Variants in ABI3BP observed in about 807,000 individuals in gnomAD.
ABI3BP encodes the protein target of Nesh-SH3.
Under a neutral mutation model 268.6 loss-of-function variants are expected in ABI3BP, and 216 were observed. That is an observed-to-expected ratio of 0.80 (90% confidence interval 0.72 to 0.90). ABI3BP has a LOEUF of 0.90. Ranked by LOEUF, ABI3BP falls within the 40% of genes least tolerant of loss-of-function variation. ABI3BP has a pLI of 0.00. For synonymous variants in ABI3BP, 730 were observed against 730.0 expected, an observed-to-expected ratio of 1.00 and a Z score of 0.00; for missense variants, 2,090 against 2,182.4, an observed-to-expected ratio of 0.96 and a Z score of 0.84.
At chr3:100,854,581 T>C (rs2098917772) in intron 14 of ABI3BP, among the ~76,000 whole-genome samples, 1 of 152,204 alleles carries the variant, frequency 6.6e-6, no homozygotes, top group African/African-American at 2.4e-5. Flanking sequence ...CCCTTCTGTA[T>C]GGTAGCCTGT....
intron 21 of ABI3BP, among the ~76,000 whole-genome samples, chr3:100,841,332 A>C (rs947576027): frequency 6.6e-6 from 1 of 150,920 alleles, no homozygotes; most frequent in Non-Finnish European, 1.5e-5. Flanking sequence ...AATCTGCAAA[A>C]GTTAGAGTTT....
In ABI3BP at chr3:100,955,225, C is replaced by T. The variant is rs150194824; in HGVS notation, c.80-28744G>A. Among the ~76,000 whole-genome samples, 983 of 152,170 alleles carry T rather than the reference C, an allele frequency of 6.5e-3. 8 individuals carry two copies. The highest frequency in any genetic ancestry group is 0.022 in the African/African-American group (929 of 41,522). On this transcript the variant is annotated intron_variant, in intron 1 of 67. Coordinates refer to ENST00000471714, the MANE Select transcript of ABI3BP (RefSeq NM_001375547.2). ...ACAGACTGGATCCAAGAAAAGAACA[C>T]GGTCCTGTCCCTGACAGAGATCCAA...
chr3:100,957,451 G>A (rs897496825), intron 1 of ABI3BP, among the ~76,000 whole-genome samples: 2 of 152,144 alleles, frequency 1.3e-5, no homozygotes, highest in African/African-American at 4.8e-5. Flanking sequence ...TATTAAGTAG[G>A]GAGTTGGATA....
At chr3:100,911,489 T>G (rs1429543852) in intron 2 of ABI3BP, 2 of 425,752 alleles carry the variant, frequency 4.7e-6, no homozygotes, top group East Asian at 9.7e-5. Flanking sequence ...TTGTTCATTG[T>G]TTTTCACTTT....
intron 1 of ABI3BP, among the ~76,000 whole-genome samples, chr3:100,989,090 T>C (rs879746954): frequency 6.6e-6 from 1 of 152,190 alleles, no homozygotes; most frequent in Non-Finnish European, 1.5e-5. Flanking sequence ...GTGAATGGGA[T>C]TGGGTGCCCT....
At chr3:100,785,836 G>A (rs528018249) in intron 57 of ABI3BP, among the ~76,000 whole-genome samples, 1 of 152,130 alleles carries the variant, frequency 6.6e-6, no homozygotes, top group Non-Finnish European at 1.5e-5. Flanking sequence ...AATTTCCTGA[G>A]AGCTTTCATT....
chr3:100,928,411 A>T (rs1157936720), intron 1 of ABI3BP, among the ~76,000 whole-genome samples: 1 of 152,104 alleles, frequency 6.6e-6, no homozygotes, highest in Non-Finnish European at 1.5e-5. Context: ...CATCACAATG[A>T]ATTTATTCTA....
chr3:100,816,088 A>G (rs1316878824), intron 43 of ABI3BP, 117 bp from the exon 44 acceptor site: 1 of 745,386 alleles, frequency 1.3e-6, no homozygotes, highest in Non-Finnish European at 2.1e-6. Flanking sequence ...AAACTTTTGA[A>G]TTGATAGGCA....
chr3:100,959,954 G>GT (rs1175227967), intron 1 of ABI3BP, among the ~76,000 whole-genome samples: 2 of 152,188 alleles, frequency 1.3e-5, no homozygotes, highest in Non-Finnish European at 2.9e-5. Context: ...CACAAAGTCA[G>GT]TTTTTTTAAA....
chr3:100,838,537 G>C (rs1183222021), intron 24 of ABI3BP, 73 bp from the exon 25 acceptor site: 1 of 1,199,424 alleles, frequency 8.3e-7, no homozygotes, highest in Admixed American at 2.0e-5. Flanking sequence ...CAATTATGCA[G>C]AACAAAGACA....
chr3:100,769,202 T>G (rs1247588559), intron 62 of ABI3BP, among the ~76,000 whole-genome samples: 1 of 152,224 alleles, frequency 6.6e-6, no homozygotes, highest in African/African-American at 2.4e-5. Context: ...GTCTAATGTT[T>G]AAATACGGAC....
intron 10 of ABI3BP, 142 bp downstream of exon 10, chr3:100,866,737 G>C: frequency 1.5e-6 from 1 of 653,174 alleles, no homozygotes; most frequent in East Asian, 2.9e-5. Context: ...AAACGTTAGA[G>C]ACCTAGAATC....
At chr3:100,821,263 G>T in intron 38 of ABI3BP, 150 bp from the exon 39 acceptor site, 1 of 663,508 alleles carries the variant, frequency 1.5e-6, no homozygotes, top group Non-Finnish European at 2.5e-6. Flanking sequence ...AAAGTAGACA[G>T]TTGATTTCCT....
chr3:100,891,597 G>A (rs982265273), intron 4 of ABI3BP, among the ~76,000 whole-genome samples: 47 of 152,212 alleles, frequency 3.1e-4, no homozygotes, highest in African/African-American at 1.1e-3. Context: ...ACTCGGGTAA[G>A]TCAGTGTGAC....
chr3:100,971,888 T>G (rs1241423738), intron 1 of ABI3BP, among the ~76,000 whole-genome samples: 2 of 152,068 alleles, frequency 1.3e-5, no homozygotes, highest in Admixed American at 1.3e-4. Context: ...AAAATGGAAA[T>G]TAAAACAGAA....
chr3:100,880,921 A>C (rs1007389326), intron 6 of ABI3BP, among the ~76,000 whole-genome samples: 9 of 152,136 alleles, frequency 5.9e-5, no homozygotes. Flanking sequence ...CGAGATAAAG[A>C]GGAGCTGTCC....
At chr3:100,880,599 A>T (rs76233520) in intron 6 of ABI3BP, among the ~76,000 whole-genome samples, 3 of 152,106 alleles carry the variant, frequency 2.0e-5, no homozygotes, top group Non-Finnish European at 4.4e-5. Context: ...ACACTCAATA[A>T]GGAGAGACTA....
At chr3:100,944,885 G>C (rs1335970606) in intron 1 of ABI3BP, among the ~76,000 whole-genome samples, 1 of 152,136 alleles carries the variant, frequency 6.6e-6, no homozygotes, top group Non-Finnish European at 1.5e-5. Flanking sequence ...GAGATGTCAG[G>C]AGGCTCTAAG....
chr3:100,804,709 C>G, intron 51 of ABI3BP, 83 bp downstream of exon 51: 1 of 1,219,868 alleles, frequency 8.2e-7, no homozygotes, highest in Non-Finnish European at 1.2e-6. Flanking sequence ...ATATTGACCT[C>G]ACTTCCACCA....
Sources: gnomAD v4.1 joint callset for allele counts (sites outside exome capture counted in the v4.1 genomes callset) on GRCh38, gnomAD v4.1.1 for gene constraint, MANE v1.5 for transcripts, NCBI Gene and HGNC (gene_info 2026-07-23, HGNC 2026-07-21) for gene names.